Variants in DACH1 observed in about 807,000 individuals in gnomAD.
The protein encoded by DACH1 is dachshund homolog 1.
Under a neutral mutation model 54.2 loss-of-function variants are expected in DACH1, and 12 were observed. That is an observed-to-expected ratio of 0.22 (90% CI 0.14 to 0.36). The LOEUF (loss-of-function observed/expected upper bound fraction) is 0.36. Among genes scored for constraint, DACH1 ranks in the 10% least tolerant of loss-of-function variants. DACH1 has a pLI of 1.00. For missense variants in DACH1, 805 were observed against 929.8 expected (o/e 0.87, Z 1.75); for synonymous variants, 386 against 366.2 (o/e 1.05, Z -0.62).
In DACH1 at chr13:71,866,521, T is replaced by TCCGCCG. The variant is rs1229174575; in HGVS notation, c.248_249insCGGCGG (p.Gly86_Gly87dup). The stretch of plus-strand genomic sequence containing the variant: ...CGTTGCCGCTGCTGCCGCCGCCGCC[T>TCCGCCG]CCGCTGCCGCCGCCGCCGCCGCCGC... On this transcript the variant is annotated inframe_insertion, in exon 1 of 11. Transcript: ENST00000613252. 4.6e-6 allele frequency: 5 copies of TCCGCCG among 1,076,484 alleles called. No individual in the cohort carries two copies. The highest frequency in any genetic ancestry group is 6.1e-5 in the African/African-American group (2 of 32,674). 66.7% of individuals were successfully genotyped at this position (1,076,484 alleles called of 1,614,324 possible). A position where few individuals can be genotyped will look rare whatever the true frequency, so the allele number is the denominator to read the frequency against.
chr13:71,785,756 A>G (rs1447992240), intron 1 of DACH1, among the ~76,000 whole-genome samples: 3 of 152,288 alleles, frequency 2.0e-5, no homozygotes, highest in African/African-American at 7.2e-5. Flanking sequence ...CACTTTTTCC[A>G]CCCAGCATCT....
intron 1 of DACH1, among the ~76,000 whole-genome samples, chr13:71,739,433 T>C (rs933233117): frequency 2.6e-5 from 4 of 152,188 alleles, no homozygotes; most frequent in Non-Finnish European, 5.9e-5. Flanking sequence ...ATTAAAGAGA[T>C]GAAAGTAATT....
Position 71,440,484 on chromosome 13 carries a change from T to A in DACH1, c.*171A>T, listed in dbSNP as rs1366728664. ...GGTATGAACCACAGGTGAAAATCAA[T>A]GGAGAAAACTTTTTTTTTTTTTGTA... On this transcript the variant is annotated 3_prime_UTR_variant, in exon 11 of 11. Transcript: ENST00000613252. The A allele has an allele frequency of 2.1e-5, 11 of 526,334 alleles. No homozygotes were observed. Among genetic ancestry groups the A allele is most frequent in the Non-Finnish European group, 2.9e-5 (9 of 306,310 alleles). 32.6% of individuals were successfully genotyped at this position (526,334 alleles called of 1,614,324 possible). A position where few individuals can be genotyped will look rare whatever the true frequency, so the allele number is the denominator to read the frequency against.
rs796403382 is a variant in DACH1 at position 71,656,857 on chromosome 13, TAGAC to T, written c.964+24934_964+24937del. 3.7e-4 allele frequency among the ~76,000 whole-genome samples: 53 copies of T among 143,908 alleles called. 1 individual carries two copies. Among genetic ancestry groups the T allele is most frequent in the African/African-American group, 1.2e-3 (48 of 39,556 alleles). 94.4% of individuals were successfully genotyped at this position (143,908 alleles called of 152,430 possible). On this transcript the variant is annotated intron_variant, in intron 2 of 10. Transcript: ENST00000613252. ...AGATAGATTGATAGACAGATATAGA[TAGAC>T]AGATACTGACTTGAAAACTCATCTC...
intron 8 of DACH1, among the ~76,000 whole-genome samples, chr13:71,478,000 T>C (rs1483607461): frequency 6.6e-6 from 1 of 152,164 alleles, no homozygotes; most frequent in East Asian, 1.9e-4. Context: ...CCAATAAAAT[T>C]CTGAAGGTCT....
At chr13:71,835,642 A>G (rs1888754263) in intron 1 of DACH1, among the ~76,000 whole-genome samples, 1 of 152,060 alleles carries the variant, frequency 6.6e-6, no homozygotes, top group Non-Finnish European at 1.5e-5. Context: ...TGCCCATGAT[A>G]GTCCTAGTTT....
chr13:71,522,831 A>T (rs1330900959), intron 6 of DACH1, among the ~76,000 whole-genome samples: 2 of 151,974 alleles, frequency 1.3e-5, no homozygotes, highest in Admixed American at 6.6e-5. Flanking sequence ...TCGCTTTTTG[A>T]TGAAATTGTT....
intron 3 of DACH1, among the ~76,000 whole-genome samples, chr13:71,604,023 C>T (rs1192457548): frequency 1.3e-5 from 2 of 151,758 alleles, no homozygotes; most frequent in Admixed American, 6.6e-5. Context: ...CATTATGTCA[C>T]ATTGTGGGGG....
chr13:71,612,533 T>C (rs1430619727), intron 3 of DACH1, among the ~76,000 whole-genome samples: 1 of 152,178 alleles, frequency 6.6e-6, no homozygotes, highest in East Asian at 1.9e-4. Flanking sequence ...AACACCAAAG[T>C]GGGAGTCCAA....
At chr13:71,697,461 T>A (rs927887032) in intron 1 of DACH1, among the ~76,000 whole-genome samples, 1 of 152,182 alleles carries the variant, frequency 6.6e-6, no homozygotes, top group Non-Finnish European at 1.5e-5. Flanking sequence ...TCCCACTGAA[T>A]ATTCTGGATT....
At chr13:71,581,341 T>G (rs1192911908) in intron 3 of DACH1, among the ~76,000 whole-genome samples, 1 of 152,210 alleles carries the variant, frequency 6.6e-6, no homozygotes, top group East Asian at 1.9e-4. Flanking sequence ...CTCAGCTCAC[T>G]GCAACCTCTG....
chr13:71,650,041 A>G (rs1878564815), intron 2 of DACH1, among the ~76,000 whole-genome samples: 1 of 152,198 alleles, frequency 6.6e-6, no homozygotes, highest in Non-Finnish European at 1.5e-5. Flanking sequence ...ACCCCATGAT[A>G]CACACAAAGT....
At chr13:71,813,139 T>C (rs1418552743) in intron 1 of DACH1, among the ~76,000 whole-genome samples, 1 of 152,230 alleles carries the variant, frequency 6.6e-6, no homozygotes, top group East Asian at 1.9e-4. Context: ...GTACCTACTA[T>C]GTTATTTTTC....
At chr13:71,610,591 T>C (rs1301907196) in intron 3 of DACH1, among the ~76,000 whole-genome samples, 1 of 152,134 alleles carries the variant, frequency 6.6e-6, no homozygotes, top group African/African-American at 2.4e-5. Flanking sequence ...TTCAATACAT[T>C]AACATAACAC....
chr13:71,572,729 C>T lies in DACH1; in HGVS notation c.1299+111G>A, dbSNP rs192340728. 8 of 1,175,238 alleles carry T rather than the reference C, an allele frequency of 6.8e-6. No homozygotes were observed. In the Admixed American group the frequency reaches 1.1e-4, roughly 16 times the overall value. 72.8% of individuals were successfully genotyped at this position (1,175,238 alleles called of 1,614,324 possible). A position where few individuals can be genotyped will look rare whatever the true frequency, so the allele number is the denominator to read the frequency against. On this transcript the variant is annotated intron_variant, in intron 4 of 10. Transcript: ENST00000613252. ...GTGATTTTTTTTAATAGTCTATTTA[C>T]TATCACTTAGCTTTTTAGAGTTCAG...
intron 2 of DACH1, among the ~76,000 whole-genome samples, chr13:71,631,055 G>A (rs556825149): frequency 7.2e-5 from 11 of 152,074 alleles, no homozygotes; most frequent in Non-Finnish European, 1.5e-4. Context: ...CTGCCTACAC[G>A]GAGGGAAAAA....
intron 1 of DACH1, among the ~76,000 whole-genome samples, chr13:71,693,196 C>G (rs2138728739): frequency 6.6e-6 from 1 of 151,448 alleles, no homozygotes; most frequent in Non-Finnish European, 1.5e-5. Context: ...CCATAAATTA[C>G]TGGTAAAGTA....
At chr13:71,529,183 G>GTTTTTTTTTTGTTTGTTTGTT (rs1299574030) in intron 6 of DACH1, among the ~76,000 whole-genome samples, 6 of 80,978 alleles carry the variant, frequency 7.4e-5, no homozygotes, top group African/African-American at 2.2e-4. Flanking sequence ...TGTGATTTGG[G>GTTTTTTTTTTGTTTGTTTGTT]TTTTTTTTTT....
At chr13:71,734,092 A>G (rs189281985) in intron 1 of DACH1, among the ~76,000 whole-genome samples, 3,970 of 146,962 alleles carry the variant, frequency 0.027, 362 homozygotes, top group African/African-American at 0.1. Context: ...TTGAATATAT[A>G]TGTGTGTGTG....
Sources: allele counts gnomAD v4.1 joint callset (sites outside exome capture counted in the v4.1 genomes callset), GRCh38; gene constraint gnomAD v4.1.1; transcripts MANE v1.5; gene names NCBI Gene and HGNC (gene_info 2026-07-23, HGNC 2026-07-21).